Variants in ARSI observed in about 807,000 individuals in gnomAD.
ARSI encodes arylsulfatase I.
ARSI carries 37 observed loss-of-function variants against 42.1 expected under a neutral mutation model. That is an observed-to-expected ratio of 0.88 (90% CI 0.68 to 1.16). ARSI has a LOEUF of 1.16. Among genes scored for constraint, ARSI ranks in the 50% most tolerant of loss-of-function variants. ARSI has a pLI of 0.00. For missense variants in ARSI, 725 were observed against 790.1 expected, an observed-to-expected ratio of 0.92 and a Z score of 0.99; for synonymous variants, 305 against 320.3, an observed-to-expected ratio of 0.95 and a Z score of 0.51.
In ARSI at chr5:150,297,767, G is replaced by A. The variant is rs199878549; in HGVS notation, c.1157C>T (p.Thr386Met). The A allele has an allele frequency of 4.5e-5, 72 of 1,608,590 alleles. No individual in the cohort carries two copies. The highest frequency in any genetic ancestry group is 3.8e-4 in the East Asian group (17 of 44,772). ...AISEGRASPR[T>M]EILHNIDPLY... ...TGGGTCAATGTTGTGCAGGATCTCC[G>A]TGCGTGGTGAGGCCCGGCCCTCGCT... Residue 386 changes from threonine to methionine, a missense_variant, in exon 2 of 2, where the codon ACG becomes ATG. Coordinates refer to ENST00000328668, the MANE Select transcript of ARSI (RefSeq NM_001012301.4). This position sits in a 1 kb window ranked among gnomAD's most constrained non-coding sequence, Gnocchi z 7.0.
At position 150,298,637 on chromosome 5, in the gene ARSI, A is replaced by G. The variant is rs369855836; in HGVS notation, c.312-25T>C. The G allele has an allele frequency of 2.5e-6, 4 of 1,578,158 alleles. No homozygotes were observed. In the African/African-American group the frequency reaches 5.4e-5, roughly 21 times the overall value. ...CCTGGTGGGGAGGAGGGGAAGGCAC[A>G]GAAGGCACAGGTAAGCTACAGACCA... is the stretch of plus-strand genomic sequence containing the variant. On this transcript the variant is annotated intron_variant, in intron 1 of 1. Transcript: ENST00000328668.
In ARSI at chr5:150,297,866, G is replaced by T. The variant is rs1399343191; in HGVS notation, c.1058C>A (p.Thr353Asn). The change falls in exon 2 of 2, where the codon ACC (threonine) becomes AAC (asparagine). Residue 353 changes from threonine (T) to asparagine (N), a missense_variant. Coordinates refer to ENST00000328668, the MANE Select transcript of ARSI (RefSeq NM_001012301.4). This position sits in a 1 kb window ranked among gnomAD's most constrained non-coding sequence, Gnocchi z 7.0. ...GGTACCACCTGCCAGACCCACCAGG[G>T]TCGGGTACCAGTCAGTGATGTGCAT... ...ALMHITDWYP[T>N]LVGLAGGTTS... 5 of 1,611,816 alleles carry T rather than the reference G, an allele frequency of 3.1e-6. No individual in the cohort carries two copies. Among genetic ancestry groups the T allele is most frequent in the African/African-American group, 2.7e-5 (2 of 74,922 alleles).
In ARSI at chr5:150,302,705, A is replaced by C; in HGVS notation, c.-332T>G. 4.4e-6 allele frequency: 1 copy of C among 227,730 alleles called. No homozygotes were observed. Among genetic ancestry groups the C allele is most frequent in the East Asian group, 8.9e-5 (1 of 11,284 alleles). 14.1% of individuals were successfully genotyped at this position (227,730 alleles called of 1,614,324 possible). Reference sequence around the variant, plus strand: ...CAGCTTCCAAAAAGTGCTCTCTACCATCCTCTGACTCCCCTCTTCCTTCTT... The same window carrying C: ...CAGCTTCCAAAAAGTGCTCTCTACCCTCCTCTGACTCCCCTCTTCCTTCTT... On this transcript the variant is annotated 5_prime_UTR_variant, in exon 1 of 2. The change abolishes an upstream ATG in the 5' untranslated region. Transcript: ENST00000328668. The surrounding 1 kb of genome is among the most constrained non-coding windows in gnomAD (Gnocchi z 6.1).
chr5:150,297,633 G>A lies in ARSI; in HGVS notation c.1291C>T (p.Pro431Ser). 6.2e-7 allele frequency: 1 copy of A among 1,612,276 alleles called. No homozygotes were observed. Among genetic ancestry groups the A allele is most frequent in the Non-Finnish European group, 8.5e-7 (1 of 1,179,526 alleles). Residue 431 changes from proline (P) to serine (S), a missense_variant, in exon 2 of 2, where the codon CCC becomes TCC. Physicochemically the swap from Pro to Ser is moderately conservative, Grantham distance 74. Transcript: ENST00000328668. This position sits in a 1 kb window ranked among gnomAD's most constrained non-coding sequence, Gnocchi z 7.0. Reference protein sequence around the residue: ...VGEWKLLTGDPGYGDWIPPQT... With the variant: ...VGEWKLLTGDSGYGDWIPPQT... Reference sequence around the variant, plus strand: ...GGTGGGATCCAATCGCCATAGCCGGGGTCTCCTGTCAGCAGCTTCCACTCA... The same window carrying A: ...GGTGGGATCCAATCGCCATAGCCGGAGTCTCCTGTCAGCAGCTTCCACTCA...
intron 1 of ARSI, 60 bp from the exon 2 acceptor site, chr5:150,298,672 C>T (rs1757868666): frequency 6.7e-7 from 1 of 1,482,020 alleles, no homozygotes. Context: ...ATTGCTCTGG[C>T]CATCCAGTCC....
At position 150,302,637 on chromosome 5, in the gene ARSI, C is replaced by T; in HGVS notation, c.-264G>A. On this transcript the variant is annotated 5_prime_UTR_variant, in exon 1 of 2. Coordinates refer to ENST00000328668, the MANE Select transcript of ARSI (RefSeq NM_001012301.4). The surrounding 1 kb of genome is among the most constrained non-coding windows in gnomAD (Gnocchi z 6.1). The stretch of plus-strand genomic sequence containing the variant: ...CGCAGGCCCTGCGCCGCCTTTGCTC[C>T]CTCTTCCCCAGCTCAGCCCGGCCAG... 3 of 348,968 alleles carry T rather than the reference C, an allele frequency of 8.6e-6. No individual in the cohort carries two copies. The highest frequency in any genetic ancestry group is 5.1e-6 in the Non-Finnish European group (1 of 195,296). 21.6% of individuals were successfully genotyped at this position (348,968 alleles called of 1,614,324 possible).
In ARSI at chr5:150,297,688, G is replaced by A. The variant is rs1475104920; in HGVS notation, c.1236C>T (p.Asn412=). 1 of 1,613,460 alleles carries A rather than the reference G, an allele frequency of 6.2e-7. No individual in the cohort carries two copies. The highest frequency in any genetic ancestry group is 8.5e-7 in the Non-Finnish European group (1 of 1,180,038). The stretch of plus-strand genomic sequence containing the variant: ...CGCGGATGGCAGCCTGCACGGCGGT[G>A]TTCCAGATGCCAAAGCCGCCCTCCA... The part of the protein sequence containing the change: ...GSLEGGFGIW[N]TAVQAAIRVG... Residue 412 remains asparagine (N), a synonymous_variant, in exon 2 of 2, where the codon AAC becomes AAT. Transcript: ENST00000328668. The surrounding 1 kb of genome is among the most constrained non-coding windows in gnomAD (Gnocchi z 7.0).
At position 150,297,445 on chromosome 5, in the gene ARSI, G is replaced by A. The variant is rs141146390; in HGVS notation, c.1479C>T (p.Ala493=). ...DVVRTLLARL[A]EYNRTAIPVR... ...CCGGGATGGCTGTGCGGTTATATTCGGCCAGGCGAGCCAGCAGGGTGCGGA... is the reference window on the plus strand; with the variant it reads ...CCGGGATGGCTGTGCGGTTATATTCAGCCAGGCGAGCCAGCAGGGTGCGGA... The change falls in exon 2 of 2, where the codon GCC becomes GCT. Residue 493 remains alanine, a synonymous_variant. Transcript: ENST00000328668. This position sits in a 1 kb window ranked among gnomAD's most constrained non-coding sequence, Gnocchi z 7.0. 7 of 1,609,926 alleles carry A rather than the reference G, an allele frequency of 4.3e-6. No individual in the cohort carries two copies. The highest frequency in any genetic ancestry group is 4.5e-5 in the East Asian group (2 of 44,828).
At chr5:150,299,385 T>C (rs1295964971) in intron 1 of ARSI, among the ~76,000 whole-genome samples, 1 of 152,236 alleles carries the variant, frequency 6.6e-6, no homozygotes, top group Non-Finnish European at 1.5e-5. Context: ...TATACTCGTC[T>C]GCACATGCTC....
chr5:150,297,073 T>C lies in ARSI; in HGVS notation c.*141A>G. The C allele has an allele frequency of 1.1e-6, 1 of 881,110 alleles. No individual in the cohort carries two copies. Among genetic ancestry groups the C allele is most frequent in the Non-Finnish European group, 1.7e-6 (1 of 588,924 alleles). The allele number at this position is 881,110 out of a possible 1,614,324, so 54.6% of individuals were successfully genotyped here. A position where few individuals can be genotyped will look rare whatever the true frequency, so the allele number is the denominator to read the frequency against. On this transcript the variant is annotated 3_prime_UTR_variant, in exon 2 of 2. Coordinates refer to ENST00000328668, the MANE Select transcript of ARSI (RefSeq NM_001012301.4). The surrounding 1 kb of genome is among the most constrained non-coding windows in gnomAD (Gnocchi z 7.0). ...TATTCCCACCCACTCCTATCCAGGC[T>C]CCCTACCCTGTTCAACCAAGGGACT...
Position 150,297,471 on chromosome 5 carries a change from C to T in ARSI, c.1453G>A (p.Val485Ile), listed in dbSNP as rs1433891599. 1.2e-6 allele frequency: 2 copies of T among 1,613,214 alleles called. No individual in the cohort carries two copies. The highest frequency in any genetic ancestry group is 1.7e-6 in the Non-Finnish European group (2 of 1,179,528). ...EDLAGQRPDVVRTLLARLAEY... is the reference protein window; with the variant it reads ...EDLAGQRPDVIRTLLARLAEY... Reference sequence around the variant, plus strand: ...GCCAGGCGAGCCAGCAGGGTGCGGACCACATCAGGCCGCTGGCCAGCCAGG... The same window carrying T: ...GCCAGGCGAGCCAGCAGGGTGCGGATCACATCAGGCCGCTGGCCAGCCAGG... Residue 485 changes from valine (V) to isoleucine (I), a missense_variant, in exon 2 of 2, where the codon GTC (valine) becomes ATC (isoleucine). By Grantham distance (29) the Val-to-Ile change is conservative (BLOSUM62 3). Coordinates refer to ENST00000328668, the MANE Select transcript of ARSI (RefSeq NM_001012301.4). The surrounding 1 kb of genome is among the most constrained non-coding windows in gnomAD (Gnocchi z 7.0).
chr5:150,297,296 C>T lies in ARSI; in HGVS notation c.1628G>A (p.Arg543His), dbSNP rs752677006. ...EGRARSFSRG[R>H]RKKKCKICKL... ...GCAAATCTTGCATTTTTTCTTGCGA[C>T]GACCCCGGGAGAAGCTTCGAGCCCT... The change falls in exon 2 of 2, where the codon CGT becomes CAT. Residue 543 changes from arginine to histidine, a missense_variant. Arg to His is a conservative substitution (Grantham distance 29, BLOSUM62 0). Coordinates refer to ENST00000328668, the MANE Select transcript of ARSI (RefSeq NM_001012301.4). The surrounding 1 kb of genome is among the most constrained non-coding windows in gnomAD (Gnocchi z 7.0). 1.4e-5 allele frequency: 23 copies of T among 1,611,000 alleles called. No individual in the cohort carries two copies. In the East Asian group the frequency reaches 1.6e-4, roughly 11 times the overall value.
At chr5:150,298,903 G>A (rs1757872083) in intron 1 of ARSI, among the ~76,000 whole-genome samples, 1 of 152,200 alleles carries the variant, frequency 6.6e-6, no homozygotes. Context: ...GGAAGTTGGA[G>A]AGATAAAAGT....
intron 1 of ARSI, 87 bp from the exon 2 acceptor site, chr5:150,298,699 G>A (rs943347740): frequency 9.3e-6 from 12 of 1,296,430 alleles, no homozygotes; most frequent in Non-Finnish European, 1.3e-5. Context: ...CCACTGTGAG[G>A]TGGGCTGTGG....
chr5:150,298,024 G>C lies in ARSI; in HGVS notation c.900C>G (p.Gly300=), dbSNP rs1420259412. 6.2e-7 allele frequency: 1 copy of C among 1,612,474 alleles called. No individual in the cohort carries two copies. Among genetic ancestry groups the C allele is most frequent in the Admixed American group, 1.7e-5 (1 of 60,000 alleles). ...SVIIFSSDNG[G]QTFSGGSNWP... is the part of the protein sequence containing the mutation. ...AGTTGCTGCCCCCCGAGAAAGTCTG[G>C]CCACCATTGTCACTGGAGAAGATGA... Residue 300 remains glycine, a synonymous_variant, in exon 2 of 2, where the codon GGC becomes GGG. Transcript: ENST00000328668.
At position 150,302,617 on chromosome 5, in the gene ARSI, G is replaced by C. The variant is rs956150141; in HGVS notation, c.-244C>G. The C allele has an allele frequency of 3.6e-5, 13 of 361,602 alleles. No homozygotes were observed. Among genetic ancestry groups the C allele is most frequent in the Non-Finnish European group, 2.5e-5 (5 of 203,752 alleles). 22.4% of individuals were successfully genotyped at this position (361,602 alleles called of 1,614,324 possible). On this transcript the variant is annotated 5_prime_UTR_variant, in exon 1 of 2. Coordinates refer to ENST00000328668, the MANE Select transcript of ARSI (RefSeq NM_001012301.4). This position sits in a 1 kb window ranked among gnomAD's most constrained non-coding sequence, Gnocchi z 6.1. ...GCTGCCTCCCGCTGCCTAAGCGCAG[G>C]CCCTGCGCCGCCTTTGCTCCCTCTT...
At chr5:150,299,820 G>A (rs1757890337) in intron 1 of ARSI, among the ~76,000 whole-genome samples, 1 of 152,122 alleles carries the variant, frequency 6.6e-6, no homozygotes, top group African/African-American at 2.4e-5. Flanking sequence ...GCTCCCAAGT[G>A]CCTGCCTGTG....
chr5:150,298,601 T>C lies in ARSI; in HGVS notation c.323A>G (p.His108Arg), dbSNP rs773510036. The C allele has an allele frequency of 6.2e-7, 1 of 1,606,586 alleles. No homozygotes were observed. The highest frequency in any genetic ancestry group is 1.7e-5 in the Admixed American group (1 of 59,756). Residue 108 changes from histidine to arginine, a missense_variant, in exon 2 of 2, where the codon CAC becomes CGC. Physicochemically the swap from His to Arg is conservative, Grantham distance 29. Coordinates refer to ENST00000328668, the MANE Select transcript of ARSI (RefSeq NM_001012301.4). ...SQLLTGRYQI[H>R]TGLQHSIIRP... ...GATGATGGAATGCTGGAGTCCTGTG[T>C]GGATCTGGTACCTGGTGGGGAGGAG...
Position 150,297,893 on chromosome 5 carries a change from A to G in ARSI, c.1031T>C (p.Leu344Pro), listed in dbSNP as rs1293916672. The G allele has an allele frequency of 1.2e-6, 2 of 1,612,418 alleles. No individual in the cohort carries two copies. Among genetic ancestry groups the G allele is most frequent in the Non-Finnish European group, 1.7e-6 (2 of 1,179,524 alleles). ...CGGGTACCAGTCAGTGATGTGCATC[A>G]GTGCCCGGCTTGTCCGTTGCTTTCG... ...LKRKQRTSRA[L>P]MHITDWYPTL... is the part of the protein sequence containing the mutation. Residue 344 changes from leucine to proline, a missense_variant, in exon 2 of 2, where the codon CTG becomes CCG. Physicochemically the swap from Leu to Pro is moderately conservative, Grantham distance 98. Coordinates refer to ENST00000328668, the MANE Select transcript of ARSI (RefSeq NM_001012301.4). The surrounding 1 kb of genome is among the most constrained non-coding windows in gnomAD (Gnocchi z 7.0).
Sources: allele counts gnomAD v4.1 joint callset (sites outside exome capture counted in the v4.1 genomes callset), GRCh38; gene constraint gnomAD v4.1.1; non-coding constraint Gnocchi (gnomAD v3.1); transcripts MANE v1.5; gene names NCBI Gene and HGNC (gene_info 2026-07-23, HGNC 2026-07-21).